The following DYNC2H1 variants were observed in gnomAD, a reference collection of about 807,000 sequenced individuals.
The protein encoded by DYNC2H1 is cytoplasmic dynein 2 heavy chain 1.
A neutral mutation model predicts 570.0 loss-of-function variants in DYNC2H1; 410 were observed. That is an observed-to-expected ratio of 0.72 (90% confidence interval 0.66 to 0.78). The LOEUF (loss-of-function observed/expected upper bound fraction) is 0.78, where lower values mean the gene tolerates loss of function less well. Among genes scored for constraint, DYNC2H1 ranks in the 30% least tolerant of loss-of-function variants. The probability of loss-of-function intolerance (pLI) is 0.00; values close to 1 mark genes in which losing one functional copy is unlikely to be tolerated. For missense variants in DYNC2H1, 4,865 were observed against 5,046.4 expected, an observed-to-expected ratio of 0.96 and a Z score of 1.09; for synonymous variants, 1,688 against 1,677.6, an observed-to-expected ratio of 1.01 and a Z score of -0.15.
chr11:103,287,512 T>C (rs1229671127), intron 74 of DYNC2H1, 21 bp from the exon 75 acceptor site: 1 of 1,585,526 alleles, frequency 6.3e-7, no homozygotes, highest in Non-Finnish European at 8.6e-7. Context: ...TCTTTAAAAA[T>C]ATTCTGCATT....
At position 103,436,015 on chromosome 11, in the gene DYNC2H1, C is replaced by T. The variant is rs755441612; in HGVS notation, c.12439C>T (p.Arg4147Cys). The change falls in exon 85 of 89, where the codon CGT becomes TGT. Residue 4147 changes from arginine to cysteine, a missense_variant. By Grantham distance (180) the Arg-to-Cys change is radical. Coordinates refer to ENST00000375735, the MANE Select transcript of DYNC2H1 (RefSeq NM_001377.3). Reference sequence around the variant, plus strand: ...ACAATACCTGAGAGGTCTTGTTGCCCGTGCCCTTGCAATACAGGTATGCCT... The same window carrying T: ...ACAATACCTGAGAGGTCTTGTTGCCTGTGCCCTTGCAATACAGGTATGCCT... ...PLQYLRGLVA[R>C]ALAIQNWVDK... 21 of 1,612,146 alleles carry T rather than the reference C, an allele frequency of 1.3e-5. No individual in the cohort carries two copies. Among genetic ancestry groups the T allele is most frequent in the Admixed American group, 5.0e-5 (3 of 59,798 alleles).
Position 103,243,879 on chromosome 11 carries a change from T to A in DYNC2H1, c.9918+88T>A. The A allele has an allele frequency of 1.1e-5, 11 of 1,022,080 alleles. No homozygotes were observed. The highest frequency in any genetic ancestry group is 1.6e-5 in the Non-Finnish European group (11 of 702,396). The allele number at this position is 1,022,080 out of a possible 1,614,324, so 63.3% of individuals were successfully genotyped here. A position where few individuals can be genotyped will look rare whatever the true frequency, so the allele number is the denominator to read the frequency against. On this transcript the variant is annotated intron_variant, in intron 64 of 88. Coordinates refer to ENST00000375735, the MANE Select transcript of DYNC2H1 (RefSeq NM_001377.3). The surrounding 1 kb of genome is among the most constrained non-coding windows in gnomAD (Gnocchi z 4.8). ...GAGTCTATAATCAGAAAACATAGAT[T>A]CAACACTGGGTCCTACTGTATGGGA...
At position 103,461,626 on chromosome 11, in the gene DYNC2H1, G is replaced by A. The variant is rs1945014776; in HGVS notation, c.12648+5270G>A. On this transcript the variant is annotated intron_variant, in intron 87 of 88. Transcript: ENST00000375735. This position sits in a 1 kb window ranked among gnomAD's most constrained non-coding sequence, Gnocchi z 4.8. ...AGCCATATGCGGTATAGTATATACA[G>A]TAACCACATATGGCTGCTGAGCACA... Among the ~76,000 whole-genome samples the A allele has an allele frequency of 6.6e-6, 1 of 152,170 alleles. No homozygotes were observed. The highest frequency in any genetic ancestry group is 2.4e-5 in the African/African-American group (1 of 41,448).
rs1013681281 is a variant in DYNC2H1 at position 103,427,061 on chromosome 11, G to A, written c.12367-8882G>A. ...CAATGTTTATAGATCAAATGTTAAC[G>A]TAAACCCACAGAGCCCATTTAACTC... On this transcript the variant is annotated intron_variant, in intron 84 of 88. Transcript: ENST00000375735. Among the ~76,000 whole-genome samples, 56 of 152,124 alleles carry A rather than the reference G, an allele frequency of 3.7e-4. 1 individual carries two copies. Among genetic ancestry groups the A allele is most frequent in the Middle Eastern group, 6.8e-3 (2 of 294 alleles).
In DYNC2H1 at chr11:103,223,046, C is replaced by T. The variant is rs777932973; in HGVS notation, c.9313C>T (p.Arg3105Ter). Residue 3105 changes from arginine (R) to a stop codon, truncating the protein, a stop_gained, in exon 59 of 89, where the codon CGA becomes TGA. Transcript: ENST00000375735. LOFTEE classifies it high-confidence loss of function. ...TATTCAGTATTCCCATGTCTTGGAA[C>T]GAATTCATCCTTTGGAAACTGAACA... Reference protein sequence around the residue: ...ANIQYSHVLERIHPLETEQAG... With the variant: ...ANIQYSHVLE 3 of 1,613,020 alleles carry T rather than the reference C, an allele frequency of 1.9e-6. No homozygotes were observed. Among genetic ancestry groups the T allele is most frequent in the Non-Finnish European group, 2.5e-6 (3 of 1,179,508 alleles).
intron 59 of DYNC2H1, among the ~76,000 whole-genome samples, chr11:103,223,384 C>CGTTTTTT (rs1016560456): frequency 4.6e-5 from 7 of 151,806 alleles, no homozygotes; most frequent in Admixed American, 4.6e-4. Context: ...TTGTTGTTGT[C>CGTTTTTT]GTTTTTTGTT....
chr11:103,361,261 C>T (rs541570223), intron 83 of DYNC2H1, among the ~76,000 whole-genome samples: 46 of 152,136 alleles, frequency 3.0e-4, no homozygotes, highest in Non-Finnish European at 4.9e-4. Context: ...AGGATTAGTG[C>T]TCTTATTAAA....
At chr11:103,368,669 C>T (rs1181767688) in intron 83 of DYNC2H1, among the ~76,000 whole-genome samples, 2 of 152,128 alleles carry the variant, frequency 1.3e-5, no homozygotes, top group African/African-American at 2.4e-5. Context: ...CCTTGCCCAG[C>T]CCAGGTACTG....
In DYNC2H1 at chr11:103,307,857, C is replaced by A. The variant is rs752503053; in HGVS notation, c.11493+26C>A. ...GTAAGAAGATTTAAAACTTGGATCA[C>A]CAGTTGTATGAAAGCAGTACTCTAT... On this transcript the variant is annotated intron_variant, in intron 78 of 88. Transcript: ENST00000375735. The A allele has an allele frequency of 2.9e-6, 4 of 1,394,288 alleles. No individual in the cohort carries two copies. The South Asian group carries it at 5.0e-5, about 17-fold the overall frequency. 86.4% of individuals were successfully genotyped at this position (1,394,288 alleles called of 1,614,324 possible).
chr11:103,253,499 A>G, intron 66 of DYNC2H1, 51 bp downstream of exon 66: 2 of 1,491,432 alleles, frequency 1.3e-6, no homozygotes, highest in Admixed American at 2.1e-5. Context: ...AGCTTTATAT[A>G]CCTATTAGAC....
At chr11:103,300,933 A>G (rs1425271695) in intron 75 of DYNC2H1, among the ~76,000 whole-genome samples, 1 of 151,876 alleles carries the variant, frequency 6.6e-6, no homozygotes, top group South Asian at 2.1e-4. Context: ...TATTTTATAT[A>G]TATTTTGACA....
rs1864337973 is a variant in DYNC2H1 at position 103,239,295 on chromosome 11, T to C, written c.9819+2756T>C. On this transcript the variant is annotated intron_variant, in intron 63 of 88. Coordinates refer to ENST00000375735, the MANE Select transcript of DYNC2H1 (RefSeq NM_001377.3). The surrounding 1 kb of genome is among the most constrained non-coding windows in gnomAD (Gnocchi z 4.3). ...AACTAATGTGATACTAGTCTAAGAATATAAAATTATAATGGTAAATTTACA... is the reference window on the plus strand; with the variant it reads ...AACTAATGTGATACTAGTCTAAGAACATAAAATTATAATGGTAAATTTACA... Among the ~76,000 whole-genome samples, 1 of 152,080 alleles carries C rather than the reference T, an allele frequency of 6.6e-6. No individual in the cohort carries two copies.
chr11:103,306,132 C>T (rs1374489864), intron 77 of DYNC2H1, among the ~76,000 whole-genome samples: 2 of 152,120 alleles, frequency 1.3e-5, no homozygotes, highest in African/African-American at 4.8e-5. Flanking sequence ...AGGCTGGTCT[C>T]GAACTCCTGG....
At chr11:103,474,063 A>G in intron 88 of DYNC2H1, 1 of 234,790 alleles carries the variant, frequency 4.3e-6, no homozygotes, top group Non-Finnish European at 9.4e-6. Context: ...TCACTAACAT[A>G]TTTTGTATGT....
At chr11:103,257,837 T>C in intron 69 of DYNC2H1, 86 bp downstream of exon 69, 1 of 1,235,628 alleles carries the variant, frequency 8.1e-7, no homozygotes, top group Non-Finnish European at 1.0e-6. Flanking sequence ...TAAAAATTAT[T>C]AAGCAAACTT....
chr11:103,307,821 T>C lies in DYNC2H1; in HGVS notation c.11483T>C (p.Ile3828Thr). 1.3e-6 allele frequency: 2 copies of C among 1,585,028 alleles called. No individual in the cohort carries two copies. The highest frequency in any genetic ancestry group is 2.3e-5 in the South Asian group (2 of 87,558). The change falls in exon 78 of 89, where the codon ATA (isoleucine) becomes ACA (threonine). Residue 3828 changes from isoleucine to threonine, a missense_variant. Transcript: ENST00000375735. ...ATTTTACTACAGTCAAGTCTGAAGA[T>C]AACATATGAGGTAAGAAGATTTAAA... ...TPILLQSSLK[I>T]TYESPPGLKK...
chr11:103,470,091 A>G (rs751369393), intron 88 of DYNC2H1, among the ~76,000 whole-genome samples: 2 of 152,230 alleles, frequency 1.3e-5, no homozygotes, highest in Non-Finnish European at 2.9e-5. Flanking sequence ...TTGAAGAGCA[A>G]CTAAGAATAA....
intron 84 of DYNC2H1, among the ~76,000 whole-genome samples, chr11:103,424,573 T>C (rs1283145182): frequency 1.3e-5 from 2 of 152,034 alleles, no homozygotes; most frequent in Non-Finnish European, 2.9e-5. Context: ...ATTCAAGAGG[T>C]GAAATGATAA....
chr11:103,447,393 G>C (rs1251979888), intron 85 of DYNC2H1, among the ~76,000 whole-genome samples: 1 of 151,966 alleles, frequency 6.6e-6, no homozygotes, highest in East Asian at 1.9e-4. Context: ...AATCAACCCA[G>C]TGGAAATAGA....
Sources: allele counts gnomAD v4.1 joint callset (sites outside exome capture counted in the v4.1 genomes callset), GRCh38; gene constraint gnomAD v4.1.1; non-coding constraint Gnocchi (gnomAD v3.1); transcripts MANE v1.5; gene names NCBI Gene and HGNC (gene_info 2026-07-23, HGNC 2026-07-21).